MYOCD: variants seen among roughly 807,000 people sequenced by gnomAD.
MYOCD encodes myocardin.
Under a neutral mutation model 96.1 loss-of-function variants are expected in MYOCD, and 32 were observed. That is an observed-to-expected ratio of 0.33 (90% CI 0.25 to 0.45). The LOEUF is 0.45. Among genes scored for constraint, MYOCD ranks in the 20% least tolerant of loss-of-function variants. The pLI is 1.00. For synonymous variants in MYOCD, 469 were observed against 469.0 expected (o/e 1.00, Z 0.00); for missense variants, 1,133 against 1,200.6 (o/e 0.94, Z 0.83).
At chr17:12,763,040 G>T in intron 13 of MYOCD, 33 bp from the exon 14 acceptor site, 1 of 1,552,828 alleles carries the variant, frequency 6.4e-7, no homozygotes, top group Admixed American at 1.9e-5. Context: ...AATTTGAAGT[G>T]ATTTAACAAG....
chr17:12,679,514 A>G (rs148152661), intron 1 of MYOCD, among the ~76,000 whole-genome samples: 1 of 152,288 alleles, frequency 6.6e-6, no homozygotes, highest in African/African-American at 2.4e-5. Context: ...AGCCAGGATT[A>G]TTTTCTAACA....
chr17:12,712,843 C>T (rs2031521520), intron 2 of MYOCD, among the ~76,000 whole-genome samples: 1 of 152,164 alleles, frequency 6.6e-6, no homozygotes, highest in African/African-American at 2.4e-5. Flanking sequence ...AGTCAAAGTT[C>T]TTTAAATACA....
chr17:12,754,187 C>T (rs1334453483), intron 10 of MYOCD, among the ~76,000 whole-genome samples: 2 of 152,058 alleles, frequency 1.3e-5, no homozygotes, highest in Non-Finnish European at 2.9e-5. Context: ...TCACTGCAAC[C>T]TCTGCCTCCC....
chr17:12,678,922 C>A (rs772147080), intron 1 of MYOCD, among the ~76,000 whole-genome samples: 1 of 152,122 alleles, frequency 6.6e-6, no homozygotes, highest in Non-Finnish European at 1.5e-5. Flanking sequence ...TGGTCTCAAT[C>A]TCCTGACCTC....
At chr17:12,743,649 C>T (rs2032578430) in intron 7 of MYOCD, among the ~76,000 whole-genome samples, 2 of 151,904 alleles carry the variant, frequency 1.3e-5, no homozygotes, top group African/African-American at 4.8e-5. Context: ...CCTGACACCA[C>T]ACCTGGCTAC....
intron 1 of MYOCD, among the ~76,000 whole-genome samples, chr17:12,678,956 T>C (rs1362160990): frequency 6.6e-6 from 1 of 152,088 alleles, no homozygotes; most frequent in Admixed American, 6.5e-5. Context: ...ACCAATTCTG[T>C]GAGATTACAA....
At chr17:12,709,319 A>G (rs764745158) in intron 2 of MYOCD, among the ~76,000 whole-genome samples, 1 of 152,198 alleles carries the variant, frequency 6.6e-6, no homozygotes, top group Non-Finnish European at 1.5e-5. Flanking sequence ...TATAATCCCC[A>G]TGAATCACTT....
At chr17:12,754,185 A>C (rs1419302194) in intron 10 of MYOCD, among the ~76,000 whole-genome samples, 1 of 151,774 alleles carries the variant, frequency 6.6e-6, no homozygotes, top group African/African-American at 2.4e-5. Context: ...GCTCACTGCA[A>C]CCTCTGCCTC....
chr17:12,683,876 C>A (rs2029947766), intron 1 of MYOCD, among the ~76,000 whole-genome samples: 1 of 152,156 alleles, frequency 6.6e-6, no homozygotes, highest in African/African-American at 2.4e-5. Flanking sequence ...AGTAGGTGAT[C>A]AGTAAATATT....
In MYOCD at chr17:12,766,092, C is replaced by A. The variant is rs2033331875; in HGVS notation, c.*2448C>A. 6.6e-6 allele frequency: 1 copy of A among 152,126 alleles called. No homozygotes were observed. The highest frequency in any genetic ancestry group is 2.1e-4 in the South Asian group (1 of 4,824). 9.4% of individuals were successfully genotyped at this position (152,126 alleles called of 1,614,324 possible). The stretch of plus-strand genomic sequence containing the variant: ...TTCATTCCTCAGCTGTTGGTGTTTT[C>A]TTGGGGTCTTGACAAAGCTTGCTGG... On this transcript the variant is annotated 3_prime_UTR_variant, in exon 14 of 14. Coordinates refer to ENST00000425538, the MANE Select transcript of MYOCD (RefSeq NM_001146312.3).
intron 13 of MYOCD, 45 bp from the exon 14 acceptor site, chr17:12,763,028 T>C (rs893883736): frequency 2.5e-5 from 38 of 1,505,836 alleles, no homozygotes; most frequent in Non-Finnish European, 3.2e-5. Context: ...TGTGGCATGC[T>C]CAATTTGAAG....
intron 1 of MYOCD, among the ~76,000 whole-genome samples, chr17:12,699,324 C>A (rs2030944022): frequency 6.6e-6 from 1 of 151,958 alleles, no homozygotes; most frequent in Non-Finnish European, 1.5e-5. Flanking sequence ...GGGGTTTCAC[C>A]ATTTTGGCCA....
intron 5 of MYOCD, among the ~76,000 whole-genome samples, chr17:12,735,034 G>A (rs1434810906): frequency 6.6e-6 from 1 of 152,152 alleles, no homozygotes; most frequent in Non-Finnish European, 1.5e-5. Flanking sequence ...CCTGTGAGAG[G>A]GCCTGTGACA....
intron 1 of MYOCD, among the ~76,000 whole-genome samples, chr17:12,675,190 T>C (rs1420261394): frequency 6.6e-6 from 1 of 152,210 alleles, no homozygotes; most frequent in East Asian, 1.9e-4. Flanking sequence ...ATCTAGATAC[T>C]ATTTTTTAAA....
rs763392512 is a variant in MYOCD at position 12,766,688 on chromosome 17, G to A, written c.*3044G>A. On this transcript the variant is annotated 3_prime_UTR_variant, in exon 14 of 14. Coordinates refer to ENST00000425538, the MANE Select transcript of MYOCD (RefSeq NM_001146312.3). Reference sequence around the variant, plus strand: ...GACTAAAAGATGTACAGAGACTTACGAAGATGGTCACATTCAAGTTCCCTA... The same window carrying A: ...GACTAAAAGATGTACAGAGACTTACAAAGATGGTCACATTCAAGTTCCCTA... 9 of 152,176 alleles carry A rather than the reference G, an allele frequency of 5.9e-5. No homozygotes were observed. The highest frequency in any genetic ancestry group is 2.1e-4 in the South Asian group (1 of 4,828). The allele number at this position is 152,176 out of a possible 1,614,324, so 9.4% of individuals were successfully genotyped here. A position where few individuals can be genotyped will look rare whatever the true frequency, so the allele number is the denominator to read the frequency against.
At chr17:12,744,073 T>C in intron 7 of MYOCD, 110 bp from the exon 8 acceptor site, 1 of 1,306,456 alleles carries the variant, frequency 7.7e-7, no homozygotes, top group African/African-American at 1.5e-5. Context: ...ATTATATTTC[T>C]GAGATCCAAG....
intron 11 of MYOCD, 54 bp from the exon 12 acceptor site, chr17:12,758,031 A>G: frequency 7.3e-7 from 1 of 1,368,706 alleles, no homozygotes; most frequent in South Asian, 1.2e-5. Context: ...AACAGAAACA[A>G]CATAATTTCA....
intron 7 of MYOCD, among the ~76,000 whole-genome samples, chr17:12,743,077 A>G (rs1195583204): frequency 6.6e-6 from 1 of 152,150 alleles, no homozygotes; most frequent in Non-Finnish European, 1.5e-5. Flanking sequence ...AGGTGAGGAA[A>G]CTGAGATGTA....
intron 1 of MYOCD, among the ~76,000 whole-genome samples, chr17:12,676,417 C>G (rs1597723722): frequency 1.3e-5 from 2 of 152,210 alleles, no homozygotes; most frequent in South Asian, 4.1e-4. Context: ...GGAAAAAAGC[C>G]TGGAGGGATC....
Sources: gnomAD v4.1 joint callset for allele counts (sites outside exome capture counted in the v4.1 genomes callset) on GRCh38, gnomAD v4.1.1 for gene constraint, MANE v1.5 for transcripts, NCBI Gene and HGNC (gene_info 2026-07-23, HGNC 2026-07-21) for gene names.